Variants in DOCK8 observed in about 807,000 individuals in gnomAD.
DOCK8 encodes the protein dedicator of cytokinesis 8.
In DOCK8, 141 loss-of-function variants were observed where a neutral mutation model predicts 245.6. That is an observed-to-expected ratio of 0.57 (90% CI 0.50 to 0.66). DOCK8 has a LOEUF of 0.66. Among genes scored for constraint, DOCK8 ranks in the 30% least tolerant of loss-of-function variants. The pLI is 0.00. For synonymous variants in DOCK8, 1,168 were observed against 970.2 expected (o/e 1.20, Z -3.79); for missense variants, 2,965 against 2,603.4 (o/e 1.14, Z -3.02).
chr9:419,372 G>A (rs2056178190), intron 30 of DOCK8, among the ~76,000 whole-genome samples: 1 of 152,140 alleles, frequency 6.6e-6, no homozygotes, highest in South Asian at 2.1e-4. Context: ...GAAATATTGT[G>A]TGACCTCCTC....
chr9:375,404 C>T (rs115433016), intron 18 of DOCK8, among the ~76,000 whole-genome samples: 203 of 152,208 alleles, frequency 1.3e-3, no homozygotes, highest in African/African-American at 4.7e-3. Flanking sequence ...AAGCAGGAGC[C>T]GACCTGGCCT....
At chr9:335,503 A>G (rs2130887714) in intron 11 of DOCK8, among the ~76,000 whole-genome samples, 1 of 152,200 alleles carries the variant, frequency 6.6e-6, no homozygotes, top group East Asian at 1.9e-4. Context: ...TTACTGGTAC[A>G]TAATCACCAG....
chr9:242,346 G>C (rs2047393769), intron 1 of DOCK8, among the ~76,000 whole-genome samples: 1 of 152,156 alleles, frequency 6.6e-6, no homozygotes, highest in African/African-American at 2.4e-5. Context: ...AAGTGGAAAG[G>C]TCTACTGTGG....
At chr9:274,490 C>CTTTT (rs35765480) in intron 2 of DOCK8, among the ~76,000 whole-genome samples, 3 of 135,286 alleles carry the variant, frequency 2.2e-5, no homozygotes, top group East Asian at 2.1e-4. Flanking sequence ...TCTTTCTTTT[C>CTTTT]TTTTTTTTTT....
At chr9:436,056 A>G (rs1315878065) in intron 39 of DOCK8, among the ~76,000 whole-genome samples, 1 of 152,254 alleles carries the variant, frequency 6.6e-6, no homozygotes, top group Non-Finnish European at 1.5e-5. Flanking sequence ...ACCAGAAAGA[A>G]AGAACAATTC....
chr9:252,648 C>CA (rs1172880780), intron 1 of DOCK8, among the ~76,000 whole-genome samples: 6 of 151,716 alleles, frequency 4.0e-5, no homozygotes, highest in African/African-American at 1.5e-4. Flanking sequence ...ACTAAAAATA[C>CA]AAAAAATTAG....
At chr9:435,044 A>G (rs1263107165) in intron 39 of DOCK8, 69 bp downstream of exon 39, 2 of 1,574,150 alleles carry the variant, frequency 1.3e-6, no homozygotes, top group Non-Finnish European at 1.7e-6. Context: ...CCCCAGCCCC[A>G]GGGACATTTG....
At chr9:437,648 A>G (rs1263713697) in intron 39 of DOCK8, among the ~76,000 whole-genome samples, 1 of 151,060 alleles carries the variant, frequency 6.6e-6, no homozygotes, top group Non-Finnish European at 1.5e-5. Flanking sequence ...TTAATTTTCA[A>G]CCTTGTTCTG....
chr9:329,323 G>A (rs1412370934), intron 9 of DOCK8, among the ~76,000 whole-genome samples: 1 of 148,218 alleles, frequency 6.7e-6, no homozygotes, highest in East Asian at 1.9e-4. Context: ...TCTTAGGTTT[G>A]GAACATTATC....
At chr9:352,085 A>C (rs2052198695) in intron 14 of DOCK8, among the ~76,000 whole-genome samples, 1 of 152,168 alleles carries the variant, frequency 6.6e-6, no homozygotes, top group Non-Finnish European at 1.5e-5. Flanking sequence ...GATGTTGCTA[A>C]ACATCAACCC....
In DOCK8 at chr9:327,137, C is replaced by T. The variant is rs116856802; in HGVS notation, c.895-885C>T. 6.7e-3 allele frequency among the ~76,000 whole-genome samples: 1,023 copies of T among 152,246 alleles called. 9 individuals carry two copies. Among genetic ancestry groups the T allele is most frequent in the Non-Finnish European group, 0.01 (701 of 68,014 alleles). The stretch of plus-strand genomic sequence containing the variant: ...CAAGCTAGACCGCTGACTAAGCTTC[C>T]CCCAGCCGTTCAAGCCTCTGAGATA... On this transcript the variant is annotated intron_variant, in intron 8 of 47. Transcript: ENST00000432829.
intron 10 of DOCK8, among the ~76,000 whole-genome samples, chr9:333,124 G>A (rs755644761): frequency 6.6e-6 from 1 of 152,204 alleles, no homozygotes; most frequent in African/African-American, 2.4e-5. Flanking sequence ...ACTAAACAGT[G>A]CCAGAGCTCT....
chr9:232,488 T>C (rs570568799), intron 1 of DOCK8, among the ~76,000 whole-genome samples: 1 of 152,324 alleles, frequency 6.6e-6, no homozygotes, highest in Non-Finnish European at 1.5e-5. Context: ...CTCCTCTTTG[T>C]ACCTCTGGTA....
Position 327,934 on chromosome 9 carries a change from C to T in DOCK8, c.895-88C>T, listed in dbSNP as rs958437645. On this transcript the variant is annotated intron_variant, in intron 8 of 47. Coordinates refer to ENST00000432829, the MANE Select transcript of DOCK8 (RefSeq NM_203447.4). ...TACACTTACTCCTTCAGCAAAATTTCTCTGTGGTGTTTTTACTCCTTTTTA... is the reference window on the plus strand; with the variant it reads ...TACACTTACTCCTTCAGCAAAATTTTTCTGTGGTGTTTTTACTCCTTTTTA... 85 of 1,309,552 alleles carry T rather than the reference C, an allele frequency of 6.5e-5. No homozygotes were observed. In the African/African-American group the frequency reaches 9.4e-4, roughly 14 times the overall value. The allele number at this position is 1,309,552 out of a possible 1,614,324, so 81.1% of individuals were successfully genotyped here. A position where few individuals can be genotyped will look rare whatever the true frequency, so the allele number is the denominator to read the frequency against.
rs558364086 is a variant in DOCK8 at position 215,549 on chromosome 9, T to A, written c.53+520T>A. 1.2e-3 allele frequency: 1,395 copies of A among 1,118,586 alleles called. 4 individuals are homozygous for A. Among genetic ancestry groups the A allele is most frequent in the South Asian group, 1.6e-3 (57 of 34,640 alleles). 69.3% of individuals were successfully genotyped at this position (1,118,586 alleles called of 1,614,324 possible). Reference sequence around the variant, plus strand: ...TTCATTATTCCAGAAAGAGCTTGGCTCCTGGTGGCATCGCTATTTTTATAC... The same window carrying A: ...TTCATTATTCCAGAAAGAGCTTGGCACCTGGTGGCATCGCTATTTTTATAC... On this transcript the variant is annotated intron_variant, in intron 1 of 47. Transcript: ENST00000432829.
chr9:445,816 G>T (rs76825561), intron 43 of DOCK8, among the ~76,000 whole-genome samples: 8,701 of 152,210 alleles, frequency 0.057, 326 homozygotes, highest in South Asian at 0.18. Context: ...TTTCTCTCCT[G>T]TACACACATA....
chr9:405,583 C>T (rs543677634), intron 27 of DOCK8, among the ~76,000 whole-genome samples: 1 of 152,258 alleles, frequency 6.6e-6, no homozygotes, highest in Admixed American at 6.5e-5. Flanking sequence ...GGAAACCCCA[C>T]CCCACCTCAT....
chr9:368,500 A>G, intron 15 of DOCK8: 3 of 585,276 alleles, frequency 5.1e-6, no homozygotes, highest in Non-Finnish European at 6.1e-6. Context: ...CACAAACTGT[A>G]CACACTGTGT....
chr9:292,217 A>G (rs1419728376), intron 4 of DOCK8, among the ~76,000 whole-genome samples: 1 of 151,298 alleles, frequency 6.6e-6, no homozygotes, highest in Middle Eastern at 3.2e-3. Flanking sequence ...CTAAAAATAC[A>G]AAATTAACCG....
Sources: allele counts gnomAD v4.1 joint callset (sites outside exome capture counted in the v4.1 genomes callset), GRCh38; gene constraint gnomAD v4.1.1; transcripts MANE v1.5; gene names NCBI Gene and HGNC (gene_info 2026-07-23, HGNC 2026-07-21).